NKD1: variants seen among roughly 807,000 people sequenced by gnomAD.
NKD1 encodes NKD inhibitor of Wnt signaling pathway 1.
NKD1 carries 21 observed loss-of-function variants against 56.0 expected under a neutral mutation model. The observed-to-expected ratio is 0.38, with a 90% CI of 0.27 to 0.54. The LOEUF (loss-of-function observed/expected upper bound fraction) is 0.54, where lower values mean the gene tolerates loss of function less well. NKD1 is among the 20% of genes least tolerant of loss of function. The pLI, the probability that NKD1 is intolerant of heterozygous loss-of-function variation, is 0.82. For missense variants in NKD1, 578 were observed against 642.7 expected, an observed-to-expected ratio of 0.90 and a Z score of 1.09; for synonymous variants, 263 against 265.7, an observed-to-expected ratio of 0.99 and a Z score of 0.10.
intron 3 of NKD1, among the ~76,000 whole-genome samples, chr16:50,576,876 A>G (rs924460710): frequency 2.0e-5 from 3 of 151,988 alleles, no homozygotes; most frequent in African/African-American, 7.3e-5. Context: ...CCCCGTCAAC[A>G]GGTGAGGGCA....
At position 50,589,761 on chromosome 16, in the gene NKD1, T is replaced by TCTCTTCTCTCCTCTC. The variant is rs1961318792; in HGVS notation, c.193-18529_193-18528insTCTCTCCTCTCCTCT. Among the ~76,000 whole-genome samples, 2 of 47,856 alleles carry TCTCTTCTCTCCTCTC rather than the reference T, an allele frequency of 4.2e-5. 1 individual carries two copies. The highest frequency in any genetic ancestry group is 8.3e-5 in the Non-Finnish European group (2 of 23,974). 31.4% of individuals were successfully genotyped at this position (47,856 alleles called of 152,430 possible). A position where few individuals can be genotyped will look rare whatever the true frequency, so the allele number is the denominator to read the frequency against. On this transcript the variant is annotated intron_variant, in intron 3 of 9. Transcript: ENST00000268459. ...TCTCTTCTCTTCTCTTCTCTTCTCT[T>TCTCTTCTCTCCTCTC]CTCTCCTCTCCTCTCCTCTCCTCTC...
intron 4 of NKD1, among the ~76,000 whole-genome samples, chr16:50,610,580 C>T (rs928453929): frequency 3.9e-5 from 6 of 152,210 alleles, no homozygotes; most frequent in African/African-American, 9.6e-5. Flanking sequence ...GAGAACAAGC[C>T]GAGTCCTGAA....
intron 6 of NKD1, among the ~76,000 whole-genome samples, chr16:50,627,168 T>G (rs1328044251): frequency 1.3e-5 from 2 of 152,088 alleles, no homozygotes; most frequent in African/African-American, 4.8e-5. Flanking sequence ...AGAAATAGAT[T>G]GGCTCATGTA....
chr16:50,568,567 G>A (rs1960814795), intron 3 of NKD1, among the ~76,000 whole-genome samples: 1 of 152,126 alleles, frequency 6.6e-6, no homozygotes, highest in South Asian at 2.1e-4. Context: ...AGCGAGAGAG[G>A]GGGGTCTTCC....
chr16:50,566,951 C>T (rs1209840716), intron 3 of NKD1, among the ~76,000 whole-genome samples: 4 of 152,054 alleles, frequency 2.6e-5, no homozygotes, highest in African/African-American at 7.2e-5. Flanking sequence ...TCCGTCATTC[C>T]AATTTCAGGG....
At chr16:50,607,449 G>T in intron 3 of NKD1, 1 of 162,134 alleles carries the variant, frequency 6.2e-6, no homozygotes, top group Admixed American at 5.9e-5. Flanking sequence ...CTGAGTTTGG[G>T]CTTTTTTATT....
intron 3 of NKD1, chr16:50,566,223 T>C (rs1960755800): frequency 2.0e-6 from 2 of 981,374 alleles, no homozygotes; most frequent in South Asian, 4.7e-5. Context: ...GTTCTTGGCT[T>C]GTGTAACCAG....
At chr16:50,600,941 G>C (rs766200239) in intron 3 of NKD1, among the ~76,000 whole-genome samples, 3 of 152,234 alleles carry the variant, frequency 2.0e-5, no homozygotes, top group Admixed American at 1.3e-4. Flanking sequence ...GGAGCTGAAG[G>C]CCGGGGATCT....
At chr16:50,619,673 G>C (rs1962042408) in intron 4 of NKD1, among the ~76,000 whole-genome samples, 1 of 152,212 alleles carries the variant, frequency 6.6e-6, no homozygotes, top group Non-Finnish European at 1.5e-5. Flanking sequence ...TGCACTGGGG[G>C]TCTTAGCCCC....
intron 3 of NKD1, among the ~76,000 whole-genome samples, chr16:50,563,758 G>A (rs12925576): frequency 7.9e-5 from 9 of 114,220 alleles, no homozygotes; most frequent in Admixed American, 9.5e-5. Flanking sequence ...GTCAGGCTAA[G>A]CTCCATCCTC....
chr16:50,600,497 A>G (rs1961571419), intron 3 of NKD1, among the ~76,000 whole-genome samples: 1 of 151,908 alleles, frequency 6.6e-6, no homozygotes, highest in African/African-American at 2.4e-5. Flanking sequence ...GGCCCCCAAC[A>G]CCTGTGATTT....
intron 6 of NKD1, among the ~76,000 whole-genome samples, chr16:50,628,819 C>T (rs975080772): frequency 1.3e-4 from 20 of 152,182 alleles, no homozygotes; most frequent in African/African-American, 3.1e-4. Flanking sequence ...TTATTCCTCA[C>T]GGTTCTGGAG....
intron 3 of NKD1, chr16:50,562,162 G>T (rs1960648097): frequency 5.3e-6 from 1 of 189,810 alleles, no homozygotes; most frequent in Non-Finnish European, 9.7e-6. Context: ...TCTGCAACTG[G>T]TCAAAGCCCA....
At position 50,598,908 on chromosome 16, in the gene NKD1, T is replaced by C. The variant is rs1037010157; in HGVS notation, c.193-9386T>C. Among the ~76,000 whole-genome samples, 1 of 148,250 alleles carries C rather than the reference T, an allele frequency of 6.7e-6. No individual in the cohort carries two copies. The highest frequency in any genetic ancestry group is 1.5e-5 in the Non-Finnish European group (1 of 66,934). On this transcript the variant is annotated intron_variant, in intron 3 of 9. Transcript: ENST00000268459. This position sits in a 1 kb window ranked among gnomAD's most constrained non-coding sequence, Gnocchi z 4.2. ...ATCAGTGGTGTGGTGGGGTCAGTGGTGTGGTGGGCAGTGGTGGGGCAGGAT... is the reference window on the plus strand; with the variant it reads ...ATCAGTGGTGTGGTGGGGTCAGTGGCGTGGTGGGCAGTGGTGGGGCAGGAT...
rs1483596865 is a variant in NKD1, at chr16:50,562,983, A to ACCCCCCCC, written c.192+13430_192+13431insCCCCCCCC. On this transcript the variant is annotated intron_variant, in intron 3 of 9. Transcript: ENST00000268459. Reference sequence around the variant, plus strand: ...CTTGAAAGGGCTGCTAGGTCCCACCACCACCCCCCCCCCCCGCCGTAGAAT... The same window carrying ACCCCCCCC: ...CTTGAAAGGGCTGCTAGGTCCCACCACCCCCCCCCCACCCCCCCCCCCCGCCGTAGAAT... 2.4e-4 allele frequency among the ~76,000 whole-genome samples: 13 copies of ACCCCCCCC among 53,494 alleles called. 1 individual carries two copies. Among genetic ancestry groups the ACCCCCCCC allele is most frequent in the African/African-American group, 7.0e-4 (7 of 10,002 alleles). 35.1% of individuals were successfully genotyped at this position (53,494 alleles called of 152,430 possible).
chr16:50,584,847 C>T (rs1025654890), intron 3 of NKD1, among the ~76,000 whole-genome samples: 2 of 152,170 alleles, frequency 1.3e-5, no homozygotes, highest in Non-Finnish European at 2.9e-5. Context: ...AGCTTCTTGA[C>T]ACCCCTACAC....
chr16:50,557,727 C>G (rs571894672), intron 3 of NKD1: 1 of 152,236 alleles, frequency 6.6e-6, no homozygotes, highest in East Asian at 1.9e-4. Context: ...TAAATGTGAC[C>G]GCATTTGATA....
At chr16:50,572,993 G>A (rs929935018) in intron 3 of NKD1, 1 of 434,566 alleles carries the variant, frequency 2.3e-6, no homozygotes, top group Non-Finnish European at 3.1e-6. Context: ...TGCAAATGTA[G>A]GCAACTTTCC....
At chr16:50,607,600 C>G (rs555994228) in intron 3 of NKD1, 3 of 154,410 alleles carry the variant, frequency 1.9e-5, no homozygotes, top group East Asian at 1.9e-4. Context: ...AAAAACGAAG[C>G]TCCATGGTCT....
Sources: gnomAD v4.1 joint callset for allele counts (sites outside exome capture counted in the v4.1 genomes callset) on GRCh38, gnomAD v4.1.1 for gene constraint, Gnocchi (gnomAD v3.1) non-coding constraint, MANE v1.5 for transcripts, NCBI Gene and HGNC (gene_info 2026-07-23, HGNC 2026-07-21) for gene names.